The following PCDH11X variants were observed in gnomAD, a reference collection of about 807,000 sequenced individuals.
PCDH11X encodes protocadherin-11 X-linked.
PCDH11X carries 18 observed loss-of-function variants against 53.3 expected under a neutral mutation model. The ratio of observed to expected loss-of-function variants is 0.34; its 90% CI spans 0.23 to 0.50. The LOEUF (loss-of-function observed/expected upper bound fraction) is 0.50. Among genes scored for constraint, PCDH11X ranks in the 20% least tolerant of loss-of-function variants. PCDH11X has a pLI of 0.98. For missense variants in PCDH11X, 570 were observed against 1,032.4 expected (o/e 0.55, Z 6.14); for synonymous variants, 279 against 393.3 (o/e 0.71, Z 3.44).
chrX:92,596,162 G>A (rs1395403139), intron 10 of PCDH11X, among the ~76,000 whole-genome samples: 2 of 112,268 alleles, frequency 1.8e-5, no homozygotes, highest in African/African-American at 6.5e-5. Flanking sequence ...CTTAAGTGCT[G>A]TATTAGAACT....
chrX:92,516,992 T>C (rs2074282459), intron 10 of PCDH11X, among the ~76,000 whole-genome samples: 1 of 112,314 alleles, frequency 8.9e-6, no homozygotes, highest in African/African-American at 3.2e-5. Context: ...AATAAAAGAA[T>C]GACTTTTTGT....
intron 6 of PCDH11X, among the ~76,000 whole-genome samples, chrX:92,088,484 A>T: frequency 9.0e-6 from 1 of 110,524 alleles, no homozygotes. Context: ...ATTATCTGAT[A>T]ATTCTCATTT....
chrX:92,514,584 A>T (rs2148709722), intron 10 of PCDH11X, among the ~76,000 whole-genome samples: 1 of 105,526 alleles, frequency 9.5e-6, no homozygotes, highest in Non-Finnish European at 1.9e-5. Context: ...ACAAAAAAAT[A>T]GCTGGGTGTG....
rs779125597 is a variant in PCDH11X, at chrX:91,962,666, C to T, written c.3033+83393C>T. Among the ~76,000 whole-genome samples, 6 of 111,348 alleles carry T rather than the reference C, an allele frequency of 5.4e-5. No individual in the cohort carries two copies. In the East Asian group the frequency reaches 1.7e-3, roughly 32 times the overall value. ...ACCCCAGTGGAGACTCTTTTTGGGG[C>T]CTCTTACCCCACATTTCACTTCTGC... On this transcript the variant is annotated intron_variant, in intron 6 of 10. Coordinates refer to ENST00000682573, the MANE Select transcript of PCDH11X (RefSeq NM_032968.5).
intron 10 of PCDH11X, among the ~76,000 whole-genome samples, chrX:92,540,314 G>A (rs1020412084): frequency 8.2e-5 from 9 of 109,357 alleles, no homozygotes; most frequent in African/African-American, 2.7e-4. Context: ...TCCACAGGCA[G>A]AGGAACCCCT....
chrX:92,174,323 T>G (rs2065871553), intron 6 of PCDH11X, among the ~76,000 whole-genome samples: 1 of 111,096 alleles, frequency 9.0e-6, no homozygotes, highest in South Asian at 3.8e-4. Context: ...AAGGAGAATG[T>G]GATGATTTTA....
At chrX:91,956,036 A>G (rs1417949561) in intron 6 of PCDH11X, among the ~76,000 whole-genome samples, 3 of 109,573 alleles carry the variant, frequency 2.7e-5, no homozygotes, top group Admixed American at 9.7e-5. Flanking sequence ...TTAAATCCAT[A>G]TTGGTTTAAA....
intron 4 of PCDH11X, among the ~76,000 whole-genome samples, chrX:91,812,667 T>G (rs755570109): frequency 9.0e-6 from 1 of 111,564 alleles, no homozygotes; most frequent in African/African-American, 3.3e-5. Context: ...GAGTACTTCT[T>G]ATTTTGTTAG....
intron 4 of PCDH11X, among the ~76,000 whole-genome samples, chrX:91,832,528 G>T (rs1400933214): frequency 9.7e-6 from 1 of 102,981 alleles, no homozygotes; most frequent in Non-Finnish European, 2.0e-5. Context: ...AGCATTAGGA[G>T]ATATACCTAA....
At chrX:92,096,240 C>T (rs2064131093) in intron 6 of PCDH11X, among the ~76,000 whole-genome samples, 1 of 111,340 alleles carries the variant, frequency 9.0e-6, no homozygotes, top group Admixed American at 9.6e-5. Context: ...GTCTGTCTAC[C>T]TTATTCACAA....
chrX:92,149,505 ATG>A (rs1556076298), intron 6 of PCDH11X, among the ~76,000 whole-genome samples: 1 of 105,798 alleles, frequency 9.5e-6, no homozygotes, highest in African/African-American at 3.5e-5. Context: ...ATATATATGT[ATG>A]TATATATATG....
chrX:92,311,379 T>C (rs187264576), intron 8 of PCDH11X, among the ~76,000 whole-genome samples: 11 of 110,048 alleles, frequency 1.0e-4, no homozygotes, highest in African/African-American at 3.6e-4. Flanking sequence ...CTCTTTTTTA[T>C]GATAACTTTG....
chrX:92,527,693 C>A (rs1197604976), intron 10 of PCDH11X, among the ~76,000 whole-genome samples: 1 of 111,270 alleles, frequency 9.0e-6, no homozygotes, highest in Non-Finnish European at 1.9e-5. Context: ...TTTAAAAGAG[C>A]AACGCATAAA....
At chrX:92,295,262 T>C (rs1370016771) in intron 8 of PCDH11X, among the ~76,000 whole-genome samples, 1 of 110,680 alleles carries the variant, frequency 9.0e-6, no homozygotes, top group African/African-American at 3.3e-5. Flanking sequence ...GTATATGTGT[T>C]ATTTATATTG....
At chrX:91,903,978 G>A (rs1941057851) in intron 6 of PCDH11X, among the ~76,000 whole-genome samples, 1 of 109,203 alleles carries the variant, frequency 9.2e-6, no homozygotes, top group African/African-American at 3.3e-5. Context: ...TAGCAATTGG[G>A]GTTTGAACTA....
intron 8 of PCDH11X, among the ~76,000 whole-genome samples, chrX:92,377,428 A>G (rs1401315105): frequency 5.4e-5 from 6 of 111,338 alleles, no homozygotes; most frequent in Non-Finnish European, 9.4e-5. Context: ...CTATGATCCA[A>G]CTTGTCTTCA....
Position 91,974,840 on chromosome X carries a change from C to T in PCDH11X, c.3033+95567C>T, listed in dbSNP as rs565017508. Among the ~76,000 whole-genome samples the T allele has an allele frequency of 6.4e-5, 7 of 110,097 alleles. No homozygotes were observed. In the South Asian group the frequency reaches 2.8e-3, roughly 43 times the overall value. The stretch of plus-strand genomic sequence containing the variant: ...CGATCTCGGCTCACTGCAACCTCCA[C>T]CTCCCGGGCTCAATTGATTCTCCTG... On this transcript the variant is annotated intron_variant, in intron 6 of 10. Transcript: ENST00000682573.
intron 1 of PCDH11X, among the ~76,000 whole-genome samples, chrX:91,799,112 C>A (rs1935842838): frequency 9.0e-6 from 1 of 110,793 alleles, no homozygotes; most frequent in Admixed American, 9.6e-5. Context: ...TCCATATTTT[C>A]TATTTTCCAG....
At position 92,504,088 on chromosome X, in the gene PCDH11X, A is replaced by G. The variant is rs762122842; in HGVS notation, c.3367+35766A>G. ...TCTTAAAAATGCATTCCAGAGCACA[A>G]TATCTGTCTTCATATTATGAATGTT... On this transcript the variant is annotated intron_variant, in intron 10 of 10. Transcript: ENST00000682573. Among the ~76,000 whole-genome samples, 530 of 94,041 alleles carry G rather than the reference A, an allele frequency of 5.6e-3. 4 individuals carry two copies. Among genetic ancestry groups the G allele is most frequent in the African/African-American group, 0.02 (512 of 26,155 alleles). The allele number at this position is 94,041 out of a possible 115,157, so 81.7% of individuals were successfully genotyped here.
Sources: gnomAD v4.1 joint callset for allele counts (sites outside exome capture counted in the v4.1 genomes callset) on GRCh38, gnomAD v4.1.1 for gene constraint, MANE v1.5 for transcripts, NCBI Gene and HGNC (gene_info 2026-07-23, HGNC 2026-07-21) for gene names.